Variants in DNER observed in about 807,000 individuals in gnomAD.
DNER encodes delta and Notch-like epidermal growth factor-related receptor.
DNER carries 33 observed loss-of-function variants against 78.2 expected under a neutral mutation model. The ratio of observed to expected loss-of-function variants is 0.42; its 90% CI spans 0.32 to 0.56. The LOEUF (loss-of-function observed/expected upper bound fraction) is 0.56, where lower values mean the gene tolerates loss of function less well. Among genes scored for constraint, DNER ranks in the 20% least tolerant of loss-of-function variants. DNER has a pLI of 0.11. For missense variants in DNER, 918 were observed against 975.3 expected, an observed-to-expected ratio of 0.94 and a Z score of 0.78; for synonymous variants, 417 against 384.8, an observed-to-expected ratio of 1.08 and a Z score of -0.98.
chr2:229,534,264 T>A (rs1258642637), intron 5 of DNER, among the ~76,000 whole-genome samples: 5 of 151,414 alleles, frequency 3.3e-5, no homozygotes, highest in Admixed American at 3.3e-4. Context: ...TAGATTGTAA[T>A]GAAACAGGCC....
At chr2:229,539,292 A>C (rs1383830020) in intron 5 of DNER, among the ~76,000 whole-genome samples, 1 of 152,136 alleles carries the variant, frequency 6.6e-6, no homozygotes, top group Non-Finnish European at 1.5e-5. Context: ...CTTCTCTTGC[A>C]CTTCTGTACA....
At chr2:229,442,094 A>G (rs1241106828) in intron 8 of DNER, among the ~76,000 whole-genome samples, 1 of 152,240 alleles carries the variant, frequency 6.6e-6, no homozygotes, top group Non-Finnish European at 1.5e-5. Context: ...TTTGGAATAC[A>G]GAAAAGGAAG....
intron 1 of DNER, among the ~76,000 whole-genome samples, chr2:229,661,297 C>A (rs1321952499): frequency 6.6e-6 from 1 of 152,118 alleles, no homozygotes; most frequent in African/African-American, 2.4e-5. Flanking sequence ...CTCCTGTACA[C>A]CAGTCCCCCA....
chr2:229,444,282 C>A (rs115357190), intron 8 of DNER, among the ~76,000 whole-genome samples: 1 of 152,138 alleles, frequency 6.6e-6, no homozygotes, highest in South Asian at 2.1e-4. Flanking sequence ...CTAGTCCATG[C>A]CAGGAAATGG....
At chr2:229,381,053 G>C (rs1692724262) in intron 11 of DNER, among the ~76,000 whole-genome samples, 1 of 152,230 alleles carries the variant, frequency 6.6e-6, no homozygotes, top group Non-Finnish European at 1.5e-5. Flanking sequence ...GCTGATTTCT[G>C]CATTTCCAAC....
intron 1 of DNER, among the ~76,000 whole-genome samples, chr2:229,693,346 C>T (rs1466754901): frequency 2.0e-5 from 3 of 151,962 alleles, no homozygotes; most frequent in Admixed American, 1.3e-4. Context: ...ATAAATTACT[C>T]AGTCTCAGGT....
chr2:229,458,733 T>C (rs1179803040), intron 7 of DNER, among the ~76,000 whole-genome samples: 2 of 151,626 alleles, frequency 1.3e-5, no homozygotes, highest in Non-Finnish European at 2.9e-5. Flanking sequence ...ATGTCTACCC[T>C]CAGCATTTAC....
intron 9 of DNER, among the ~76,000 whole-genome samples, chr2:229,410,902 T>C (rs1693502859): frequency 2.0e-5 from 3 of 152,244 alleles, no homozygotes; most frequent in Non-Finnish European, 2.9e-5. Context: ...CTTTAAGACA[T>C]CGTCTCATTT....
intron 4 of DNER, among the ~76,000 whole-genome samples, chr2:229,554,719 A>G (rs1696815989): frequency 1.3e-5 from 2 of 151,774 alleles, no homozygotes; most frequent in South Asian, 4.2e-4. Flanking sequence ...AATAAAAATT[A>G]GTTGGGCGTG....
chr2:229,695,687 C>A (rs1699652399), intron 1 of DNER, among the ~76,000 whole-genome samples: 1 of 152,124 alleles, frequency 6.6e-6, no homozygotes, highest in African/African-American at 2.4e-5. Context: ...AGAGTGAGTT[C>A]CCCAAATTGC....
At chr2:229,483,850 A>G (rs1441358288) in intron 6 of DNER, among the ~76,000 whole-genome samples, 3 of 152,058 alleles carry the variant, frequency 2.0e-5, no homozygotes. Flanking sequence ...TCTTATTTCT[A>G]CTTGAAACAC....
chr2:229,549,114 G>A (rs537926519), intron 4 of DNER, among the ~76,000 whole-genome samples: 34 of 152,240 alleles, frequency 2.2e-4, no homozygotes, highest in Admixed American at 3.9e-4. Context: ...TATACATACA[G>A]TAAAAGTATA....
chr2:229,487,787 C>CAGATGAGG (rs1347774448), intron 6 of DNER, among the ~76,000 whole-genome samples: 18 of 152,138 alleles, frequency 1.2e-4, no homozygotes, highest in African/African-American at 4.3e-4. Context: ...GCTTAGGCTC[C>CAGATGAGG]AGATGAGGAG....
intron 8 of DNER, among the ~76,000 whole-genome samples, chr2:229,444,942 T>G (rs1355901586): frequency 1.3e-5 from 2 of 152,182 alleles, no homozygotes; most frequent in African/African-American, 2.4e-5. Context: ...TAAAGTTGTT[T>G]TCTGGTCTTA....
At position 229,512,852 on chromosome 2, in the gene DNER, T is replaced by C. The variant is rs143345995; in HGVS notation, c.1078A>G (p.Asn360Asp). 8 of 1,614,186 alleles carry C rather than the reference T, an allele frequency of 5.0e-6. No individual in the cohort carries two copies. In the African/African-American group the frequency reaches 8.0e-5, roughly 16 times the overall value. Reference protein sequence around the residue: ...YDACQRKPCQNNASCIDANEK... With the variant: ...YDACQRKPCQDNASCIDANEK... ...TTTGCATCAATACAGCTCGCGTTGT[T>C]TTGGCAAGGTTTCCTCTGGCAAGCA... The change falls in exon 6 of 13, where the codon AAC (asparagine) becomes GAC (aspartate). Residue 360 changes from asparagine to aspartate, a missense_variant. Asn to Asp is a conservative substitution (Grantham distance 23, BLOSUM62 1). Transcript: ENST00000341772.
At chr2:229,545,366 G>A (rs537628468) in intron 5 of DNER, among the ~76,000 whole-genome samples, 1 of 152,244 alleles carries the variant, frequency 6.6e-6, no homozygotes, top group South Asian at 2.1e-4. Context: ...CTTGAGGTCA[G>A]GAGTTTGAGA....
intron 8 of DNER, among the ~76,000 whole-genome samples, chr2:229,423,610 A>G (rs533505785): frequency 4.2e-5 from 6 of 141,904 alleles, no homozygotes; most frequent in Non-Finnish European, 7.5e-5. Flanking sequence ...GCGAGACTAC[A>G]TCTCAAAAAA....
intron 1 of DNER, among the ~76,000 whole-genome samples, chr2:229,652,710 A>T (rs1320136902): frequency 2.0e-5 from 3 of 152,224 alleles, no homozygotes; most frequent in Non-Finnish European, 2.9e-5. Flanking sequence ...CAGGCAAAAA[A>T]TCAATTTTTT....
At chr2:229,378,421 G>A (rs868533474) in intron 11 of DNER, among the ~76,000 whole-genome samples, 2 of 152,132 alleles carry the variant, frequency 1.3e-5, no homozygotes, top group African/African-American at 2.4e-5. Context: ...GAACAGCATG[G>A]GTGAAGGTCC....
Sources: gnomAD v4.1 joint callset for allele counts (sites outside exome capture counted in the v4.1 genomes callset) on GRCh38, gnomAD v4.1.1 for gene constraint, MANE v1.5 for transcripts, NCBI Gene and HGNC (gene_info 2026-07-23, HGNC 2026-07-21) for gene names.